The following NRXN2 variants were observed in gnomAD, a reference collection of about 807,000 sequenced individuals.
The protein encoded by NRXN2 is neurexin-2-beta.
In NRXN2, 29 loss-of-function variants were observed where a neutral mutation model predicts 128.8. The ratio of observed to expected loss-of-function variants is 0.23; its 90% CI spans 0.17 to 0.31. NRXN2 has a LOEUF of 0.31. NRXN2 is among the 10% of genes least tolerant of loss of function. NRXN2 has a pLI of 1.00. For synonymous variants in NRXN2, 1,098 were observed against 1,075.2 expected, an observed-to-expected ratio of 1.02 and a Z score of -0.41; for missense variants, 1,881 against 2,452.6, an observed-to-expected ratio of 0.77 and a Z score of 4.92.
At chr11:64,683,970 G>T (rs1024786819) in intron 6 of NRXN2, among the ~76,000 whole-genome samples, 1 of 152,184 alleles carries the variant, frequency 6.6e-6, no homozygotes, top group Admixed American at 6.5e-5. Context: ...GAGTCCTAGG[G>T]TGTTTAAGGT....
chr11:64,662,472 T>G (rs1389860368), intron 9 of NRXN2, among the ~76,000 whole-genome samples: 1 of 152,100 alleles, frequency 6.6e-6, no homozygotes, highest in Non-Finnish European at 1.5e-5. Context: ...CTTTTTCAAG[T>G]TTGGAAGAAC....
At chr11:64,672,195 AG>A (rs944686608) in intron 7 of NRXN2, among the ~76,000 whole-genome samples, 2 of 152,182 alleles carry the variant, frequency 1.3e-5, no homozygotes, top group African/African-American at 4.8e-5. Context: ...GGTGGACACA[AG>A]GGGCAGCCTG....
In NRXN2 at chr11:64,626,638, C is replaced by T. The variant is rs1203356513; in HGVS notation, c.3758-86G>A. The T allele has an allele frequency of 4.2e-6, 4 of 963,198 alleles. No homozygotes were observed. In the African/African-American group the frequency reaches 6.4e-5, roughly 15 times the overall value. The allele number at this position is 963,198 out of a possible 1,614,324, so 59.7% of individuals were successfully genotyped here. On this transcript the variant is annotated intron_variant, in intron 19 of 22. Coordinates refer to ENST00000265459, the MANE Select transcript of NRXN2 (RefSeq NM_015080.4). ...AAGTAATTATGCAATCCTCAGGAGA[C>T]TCAGAGTAAGCAGCAACATCCACGG...
chr11:64,659,142 C>T lies in NRXN2; in HGVS notation c.2389+1190G>A, dbSNP rs1212707555. ...TACAACAAGTGACCCTGATGACCTG[C>T]AAGCTTCCTATACGGCTGGTGCTAC... is the stretch of plus-strand genomic sequence containing the variant. On this transcript the variant is annotated intron_variant, in intron 11 of 22. Transcript: ENST00000265459. Among the ~76,000 whole-genome samples, 3 of 152,224 alleles carry T rather than the reference C, an allele frequency of 2.0e-5. No homozygotes were observed. The East Asian group carries it at 5.8e-4, about 29-fold the overall frequency.
At chr11:64,697,749 C>T (rs1318646488) in intron 3 of NRXN2, 26 bp downstream of exon 3, 3 of 1,613,602 alleles carry the variant, frequency 1.9e-6, no homozygotes, top group Non-Finnish European at 2.5e-6. Flanking sequence ...GATCCACTAC[C>T]CCAGTGACAG....
rs73492149 is a variant in NRXN2 at position 64,630,508 on chromosome 11, G to A, written c.3651C>T (p.Asn1217=). ...GGTATTTGCCGTCGCTTACTATGGC[G>A]TTGGGCTCGTCGATGGTAATGTCGT... ...GTDDITIDEP[N]AIVSDGKYHV... The change falls in exon 19 of 23, where the codon AAC becomes AAT. Residue 1217 remains asparagine (N), a synonymous_variant. Transcript: ENST00000265459. The surrounding 1 kb of genome is among the most constrained non-coding windows in gnomAD (Gnocchi z 4.6). 200 of 1,614,066 alleles carry A rather than the reference G, an allele frequency of 1.2e-4. No individual in the cohort carries two copies. In the African/African-American group the frequency reaches 2.3e-3, roughly 19 times the overall value.
chr11:64,682,750 G>C (rs941577446), intron 6 of NRXN2, among the ~76,000 whole-genome samples: 8 of 152,116 alleles, frequency 5.3e-5, no homozygotes, highest in African/African-American at 1.7e-4. Context: ...GAGGAGAGTG[G>C]GCCCAGGATT....
At chr11:64,643,854 G>A (rs2046220867) in intron 17 of NRXN2, among the ~76,000 whole-genome samples, 1 of 152,018 alleles carries the variant, frequency 6.6e-6, no homozygotes, top group Non-Finnish European at 1.5e-5. Context: ...AGCAAGAGAG[G>A]CCACTTTCTT....
chr11:64,711,858 G>A (rs1405449055), intron 2 of NRXN2, among the ~76,000 whole-genome samples: 1 of 152,162 alleles, frequency 6.6e-6, no homozygotes, highest in East Asian at 1.9e-4. Context: ...CTCTTCGGAG[G>A]CGCTCTGAGG....
chr11:64,690,257 G>A (rs771051805), intron 5 of NRXN2, 148 bp downstream of exon 5: 13 of 708,998 alleles, frequency 1.8e-5, no homozygotes, highest in Non-Finnish European at 3.2e-5. Context: ...CTTTGGAATG[G>A]CACTCGGGGA....
At chr11:64,691,397 C>T (rs909662636) in intron 4 of NRXN2, among the ~76,000 whole-genome samples, 1 of 152,168 alleles carries the variant, frequency 6.6e-6, no homozygotes, top group East Asian at 1.9e-4. Flanking sequence ...CACCTCTCCC[C>T]GCTCCAGTGA....
At chr11:64,612,135 G>A (rs905612389) in intron 22 of NRXN2, among the ~76,000 whole-genome samples, 2 of 152,134 alleles carry the variant, frequency 1.3e-5, no homozygotes, top group Admixed American at 6.5e-5. Context: ...GGGCTTTCCC[G>A]GATCACACAC....
At chr11:64,618,649 A>G (rs1359135145) in intron 22 of NRXN2, among the ~76,000 whole-genome samples, 1 of 152,150 alleles carries the variant, frequency 6.6e-6, no homozygotes, top group Non-Finnish European at 1.5e-5. Flanking sequence ...GAGCCCCCCA[A>G]AGCAATGGAG....
At chr11:64,642,791 C>A in intron 17 of NRXN2, 2 of 1,157,326 alleles carry the variant, frequency 1.7e-6, no homozygotes, top group Non-Finnish European at 1.1e-6. Context: ...GGCCCGCTCC[C>A]CCCGGGGGGC....
intron 3 of NRXN2, 34 bp downstream of exon 3, chr11:64,697,741 T>C: frequency 6.2e-7 from 1 of 1,613,178 alleles, no homozygotes; most frequent in South Asian, 1.1e-5. Context: ...TGGCAACAGA[T>C]CCACTACCCC....
chr11:64,621,422 C>T (rs1208600168), intron 21 of NRXN2, among the ~76,000 whole-genome samples: 1 of 152,194 alleles, frequency 6.6e-6, no homozygotes, highest in Non-Finnish European at 1.5e-5. Flanking sequence ...GACCTTTTCC[C>T]CAAGGGCTCC....
Position 64,635,527 on chromosome 11 carries a change from AC to A in NRXN2, c.3404-76del. 6.6e-7 allele frequency: 1 copy of A among 1,512,830 alleles called. No homozygotes were observed. The allele number at this position is 1,512,830 out of a possible 1,614,324, so 93.7% of individuals were successfully genotyped here. On this transcript the variant is annotated intron_variant, in intron 17 of 22. Coordinates refer to ENST00000265459, the MANE Select transcript of NRXN2 (RefSeq NM_015080.4). The surrounding 1 kb of genome is among the most constrained non-coding windows in gnomAD (Gnocchi z 4.8). Reference sequence around the variant, plus strand: ...AGGTCAGCAGGTCCTCAGGGTTGTGACCAGAGGGATGGAACCCCAGGTCTAG... The same window carrying A: ...AGGTCAGCAGGTCCTCAGGGTTGTGACAGAGGGATGGAACCCCAGGTCTAG...
At chr11:64,650,403 G>T in intron 15 of NRXN2, 45 bp downstream of exon 15, 2 of 1,600,128 alleles carry the variant, frequency 1.2e-6, no homozygotes, top group Non-Finnish European at 1.7e-6. Context: ...GGGGTGAGGG[G>T]TATCTGGGCT....
rs903182006 is a variant in NRXN2, at chr11:64,681,767, G to T, written c.1152+3879C>A. Among the ~76,000 whole-genome samples, 3 of 152,110 alleles carry T rather than the reference G, an allele frequency of 2.0e-5. No homozygotes were observed. The East Asian group carries it at 5.8e-4, about 29-fold the overall frequency. ...AGAAAGAAAGGAGGGCAACTAAGTG[G>T]TATCTGTAGGAGAACTGTGAAAACA... On this transcript the variant is annotated intron_variant, in intron 6 of 22. Transcript: ENST00000265459.
Sources: allele counts gnomAD v4.1 joint callset (sites outside exome capture counted in the v4.1 genomes callset), GRCh38; gene constraint gnomAD v4.1.1; non-coding constraint Gnocchi (gnomAD v3.1); transcripts MANE v1.5; gene names NCBI Gene and HGNC (gene_info 2026-07-23, HGNC 2026-07-21).